The following ELP3 variants were observed in gnomAD, a reference collection of about 807,000 sequenced individuals.
ELP3 encodes the protein elongator acetyltransferase complex subunit 3.
Under a neutral mutation model 74.9 loss-of-function variants are expected in ELP3, and 56 were observed. The ratio of observed to expected loss-of-function variants is 0.75; its 90% confidence interval spans 0.60 to 0.93. The LOEUF is 0.93. Ranked by LOEUF, ELP3 falls within the 40% of genes least tolerant of loss-of-function variation. The probability of loss-of-function intolerance (pLI) is 0.00; values close to 1 mark genes in which losing one functional copy is unlikely to be tolerated. For synonymous variants in ELP3, 222 were observed against 239.8 expected (o/e 0.93, Z 0.68); for missense variants, 573 against 686.5 (o/e 0.83, Z 1.85).
intron 7 of ELP3, among the ~76,000 whole-genome samples, chr8:28,120,321 C>T (rs1812319086): frequency 6.6e-6 from 1 of 152,088 alleles, no homozygotes; most frequent in African/African-American, 2.4e-5. Flanking sequence ...TTGCTTTTGC[C>T]TGATGACTAA....
chr8:28,090,349 A>G, upstream of ELP3: 1 of 382,410 alleles, frequency 2.6e-6, no homozygotes, highest in Non-Finnish European at 5.1e-6. Context: ...GTAGTGCCCA[A>G]CTCTGGAGCC....
At chr8:28,148,116 A>G (rs1813499685) in intron 10 of ELP3, among the ~76,000 whole-genome samples, 2 of 152,188 alleles carry the variant, frequency 1.3e-5, no homozygotes, top group South Asian at 4.1e-4. Flanking sequence ...AATAGTAACT[A>G]TTTGGCAACC....
Position 28,093,161 on chromosome 8 carries a change from C to A in ELP3, c.-54C>A. 1 of 1,604,340 alleles carries A rather than the reference C, an allele frequency of 6.2e-7. No homozygotes were observed. Among genetic ancestry groups the A allele is most frequent in the Non-Finnish European group, 8.5e-7 (1 of 1,176,974 alleles). On this transcript the variant is annotated 5_prime_UTR_variant, in exon 1 of 15. In the 5' UTR this introduces an upstream ATG that the reference lacks. Transcript: ENST00000256398. ...TGTGGCTGTCAGCTTTCCCCGTGGT[C>A]TGAGTTTGTGGCTGCATTTTTATCT...
intron 14 of ELP3, among the ~76,000 whole-genome samples, chr8:28,176,635 C>T (rs762627200): frequency 3.9e-5 from 6 of 152,072 alleles, no homozygotes; most frequent in Non-Finnish European, 8.8e-5. Context: ...TTTTTTCCAG[C>T]GTAATCGTCG....
At chr8:28,137,039 G>T (rs1386163769) in intron 9 of ELP3, among the ~76,000 whole-genome samples, 1 of 152,210 alleles carries the variant, frequency 6.6e-6, no homozygotes, top group African/African-American at 2.4e-5. Flanking sequence ...GATAGGAATG[G>T]TGCCAGTTGG....
intron 3 of ELP3, 77 bp from the exon 4 acceptor site, chr8:28,106,636 T>C: frequency 8.1e-7 from 1 of 1,233,884 alleles, no homozygotes; most frequent in South Asian, 1.3e-5. Flanking sequence ...CTCTCCTTCC[T>C]TCCGAGGGAT....
chr8:28,155,803 G>T, intron 10 of ELP3, 139 bp from the exon 11 acceptor site: 1 of 598,776 alleles, frequency 1.7e-6, no homozygotes, highest in East Asian at 2.9e-5. Context: ...AGGAGGCTTT[G>T]CCTCTGATTT....
At chr8:28,162,112 C>T in intron 14 of ELP3, 34 bp downstream of exon 14, 1 of 1,606,154 alleles carries the variant, frequency 6.2e-7, no homozygotes, top group Non-Finnish European at 8.5e-7. Flanking sequence ...ATGATTCCTT[C>T]CCATTTTGAA....
chr8:28,182,154 A>G (rs1412880608), intron 14 of ELP3, among the ~76,000 whole-genome samples: 1 of 152,186 alleles, frequency 6.6e-6, no homozygotes, highest in Admixed American at 6.5e-5. Context: ...TGGAGGAACA[A>G]AGAGTTGGTT....
chr8:28,123,430 G>T (rs1364181125), intron 7 of ELP3, among the ~76,000 whole-genome samples: 1 of 152,026 alleles, frequency 6.6e-6, no homozygotes, highest in African/African-American at 2.4e-5. Flanking sequence ...TTGTTTTGTG[G>T]CCCAGCATAT....
chr8:28,140,117 TGTGTG>T (rs1813175104), intron 10 of ELP3, among the ~76,000 whole-genome samples: 2 of 43,426 alleles, frequency 4.6e-5, no homozygotes, highest in Non-Finnish European at 7.7e-5. Flanking sequence ...ACATATTTTG[TGTGTG>T]TGTGTGTGTG....
At chr8:28,156,859 G>T (rs2322899) in intron 11 of ELP3, among the ~76,000 whole-genome samples, 88,934 of 151,976 alleles carry the variant, frequency 0.59, 27,656 homozygotes, top group East Asian at 0.92. Context: ...CAAATTATTA[G>T]GGAGAAAATG....
At chr8:28,128,372 AG>A (rs1282797754) in intron 7 of ELP3, among the ~76,000 whole-genome samples, 1 of 152,132 alleles carries the variant, frequency 6.6e-6, no homozygotes, top group African/African-American at 2.4e-5. Flanking sequence ...GCTACTCGGG[AG>A]GCTGAAGCAC....
chr8:28,124,200 C>T (rs1812485933), intron 7 of ELP3, among the ~76,000 whole-genome samples: 2 of 152,082 alleles, frequency 1.3e-5, no homozygotes, highest in Non-Finnish European at 2.9e-5. Context: ...AGGTAGAGGA[C>T]TCCTTATATC....
chr8:28,111,104 T>G (rs1009216434), intron 6 of ELP3, among the ~76,000 whole-genome samples: 9 of 152,098 alleles, frequency 5.9e-5, no homozygotes, highest in Admixed American at 4.6e-4. Flanking sequence ...GACAGATTTG[T>G]TGGGTGGAAA....
intron 14 of ELP3, among the ~76,000 whole-genome samples, chr8:28,179,365 T>C (rs550826694): frequency 6.6e-6 from 1 of 152,368 alleles, no homozygotes; most frequent in Non-Finnish European, 1.5e-5. Context: ...ACACATTGTT[T>C]TCTTTATACC....
intron 10 of ELP3, among the ~76,000 whole-genome samples, chr8:28,140,777 C>G (rs1813206243): frequency 6.6e-6 from 1 of 152,100 alleles, no homozygotes; most frequent in Non-Finnish European, 1.5e-5. Context: ...GGCTATTGCT[C>G]CTGAGTGCAG....
rs747877353 is a variant in ELP3, at chr8:28,093,262, G to T, written c.19+29G>T. 1.9e-6 allele frequency: 3 copies of T among 1,612,386 alleles called. No individual in the cohort carries two copies. The Admixed American group carries it at 5.0e-5, about 27-fold the overall frequency. ...CGAAAGGGGAAGGAGATGGGGGAAA[G>T]GGGTGGTCCGAAAGGGGCGAACGCC... On this transcript the variant is annotated intron_variant, in intron 1 of 14. Transcript: ENST00000256398.
chr8:28,098,714 ATCT>A (rs1811354239), intron 2 of ELP3, among the ~76,000 whole-genome samples: 1 of 152,150 alleles, frequency 6.6e-6, no homozygotes, highest in African/African-American at 2.4e-5. Flanking sequence ...TACATTGAAA[ATCT>A]TCTGCTTTCT....
Sources: allele counts gnomAD v4.1 joint callset (sites outside exome capture counted in the v4.1 genomes callset), GRCh38; gene constraint gnomAD v4.1.1; transcripts MANE v1.5; gene names NCBI Gene and HGNC (gene_info 2026-07-23, HGNC 2026-07-21).